The following TARDBP variants were observed in gnomAD, a reference collection of about 807,000 sequenced individuals.
TARDBP encodes the protein TAR DNA-binding protein 43.
Under a neutral mutation model 38.3 loss-of-function variants are expected in TARDBP, and 4 were observed. That is an observed-to-expected ratio of 0.10 (90% CI 0.05 to 0.24). The LOEUF is 0.24. Ranked by LOEUF, TARDBP falls within the 10% of genes least tolerant of loss-of-function variation. The pLI is 1.00. For missense variants in TARDBP, 202 were observed against 521.9 expected (o/e 0.39, Z 5.97); for synonymous variants, 184 against 183.8 (o/e 1.00, Z -0.01).
At chr1:11,020,872 C>G (rs1424972463) in intron 5 of TARDBP, among the ~76,000 whole-genome samples, 1 of 151,986 alleles carries the variant, frequency 6.6e-6, no homozygotes, top group Non-Finnish European at 1.5e-5. Context: ...TGAGATCACA[C>G]CACTGCATTC....
chr1:11,017,086 A>G, intron 3 of TARDBP, 79 bp downstream of exon 3: 1 of 1,477,176 alleles, frequency 6.8e-7, no homozygotes, highest in Non-Finnish European at 9.4e-7. Context: ...ATAAATAGAG[A>G]TGGGGTATCA....
downstream of TARDBP, chr1:11,026,313 G>C (rs1219311756): frequency 6.6e-6 from 1 of 152,182 alleles, no homozygotes; most frequent in African/African-American, 2.4e-5. Flanking sequence ...TTAACAATGT[G>C]AAATAGTACT....
At chr1:11,029,391 T>C (rs1001766989), downstream of TARDBP, among the ~76,000 whole-genome samples, 2 of 150,906 alleles carry the variant, frequency 1.3e-5, no homozygotes, top group Non-Finnish European at 2.9e-5. Context: ...GAGAGCGAGA[T>C]TCCGTCTCAA....
intron 2 of TARDBP, chr1:11,015,725 T>TG (rs1221184118): frequency 6.9e-6 from 1 of 145,970 alleles, no homozygotes; most frequent in Non-Finnish European, 1.5e-5. Flanking sequence ...TGAGGTTATT[T>TG]GGGGGGTTTT....
downstream of TARDBP, among the ~76,000 whole-genome samples, chr1:11,029,409 T>A (rs570110740): frequency 5.0e-4 from 76 of 151,146 alleles, no homozygotes; most frequent in Middle Eastern, 3.4e-3. Flanking sequence ...CAAAAAATAA[T>A]AATAATAATT....
At position 11,020,627 on chromosome 1, in the gene TARDBP, G is replaced by C. The variant is rs766858701; in HGVS notation, c.714+28G>C. 1.7e-5 allele frequency: 28 copies of C among 1,604,202 alleles called. No homozygotes were observed. The East Asian group carries it at 5.4e-4, about 31-fold the overall frequency. On this transcript the variant is annotated intron_variant, in intron 5 of 5. Coordinates refer to ENST00000240185, the MANE Select transcript of TARDBP (RefSeq NM_007375.4). ...ATTTTTCTCCTTAACGATATGTCCC[G>C]GCCGGGCGTGGTGGCTCATGCTTAC...
rs573058752 is a variant in TARDBP, at chr1:11,022,924, T to C, written c.*270T>C. The C allele has an allele frequency of 2.1e-4, 290 of 1,366,380 alleles. No individual in the cohort carries two copies. The African/African-American group carries it at 3.3e-3, about 16-fold the overall frequency. 84.6% of individuals were successfully genotyped at this position (1,366,380 alleles called of 1,614,324 possible). On this transcript the variant is annotated 3_prime_UTR_variant, in exon 6 of 6. Transcript: ENST00000240185. The surrounding 1 kb of genome is among the most constrained non-coding windows in gnomAD (Gnocchi z 4.5). ...TGATTGGTAAACCAACACACTACAATTGATATCAAAAGGTTTCTCCTGTAA... is the reference window on the plus strand; with the variant it reads ...TGATTGGTAAACCAACACACTACAACTGATATCAAAAGGTTTCTCCTGTAA...
chr1:11,013,885 G>T lies in TARDBP; in HGVS notation c.158G>T (p.Gly53Val). The T allele has an allele frequency of 1.2e-6, 2 of 1,614,214 alleles. No homozygotes were observed. The highest frequency in any genetic ancestry group is 1.7e-6 in the Non-Finnish European group (2 of 1,180,034). ...YRNPVSQCMR[G>V]VRLVEGILHA... ...AATCCAGTGTCTCAGTGTATGAGAGGTGTCCGGCTGGTAGAAGGAATTCTG... is the reference window on the plus strand; with the variant it reads ...AATCCAGTGTCTCAGTGTATGAGAGTTGTCCGGCTGGTAGAAGGAATTCTG... The change falls in exon 2 of 6, where the codon GGT becomes GTT. Residue 53 changes from glycine (G) to valine (V), a missense_variant. By Grantham distance (109) the Gly-to-Val change is moderately radical. Coordinates refer to ENST00000240185, the MANE Select transcript of TARDBP (RefSeq NM_007375.4).
chr1:11,022,641 G>C lies in TARDBP; in HGVS notation c.1232G>C (p.Gly411Ala). Residue 411 changes from glycine (G) to alanine (A), a missense_variant, in exon 6 of 6, where the codon GGC becomes GCC. Gly to Ala is a moderately conservative substitution (Grantham distance 60, BLOSUM62 0). Coordinates refer to ENST00000240185, the MANE Select transcript of TARDBP (RefSeq NM_007375.4). The surrounding 1 kb of genome is among the most constrained non-coding windows in gnomAD (Gnocchi z 4.5). The part of the protein sequence containing the change: ...FGSSMDSKSS[G>A]WGM ...TCAAGCATGGATTCTAAGTCTTCTG[G>C]CTGGGGAATGTAGACAGTGGGGTTG... 1.2e-6 allele frequency: 2 copies of C among 1,608,318 alleles called. No individual in the cohort carries two copies. Among genetic ancestry groups the C allele is most frequent in the Non-Finnish European group, 1.7e-6 (2 of 1,177,220 alleles).
chr1:11,013,002 C>T (rs1643440573), intron 1 of TARDBP, among the ~76,000 whole-genome samples: 1 of 152,228 alleles, frequency 6.6e-6, no homozygotes, highest in Non-Finnish European at 1.5e-5. Context: ...CGGACAGTGC[C>T]GGAGCCTTCG....
intron 3 of TARDBP, among the ~76,000 whole-genome samples, chr1:11,017,253 G>T (rs1261036373): frequency 6.7e-6 from 1 of 148,882 alleles, no homozygotes; most frequent in Non-Finnish European, 1.5e-5. Context: ...GCCCAGGCTG[G>T]AGTGCAGTGG....
At chr1:11,029,634 C>CTTTTTTTTTTTTTTTT (rs551910712), downstream of TARDBP, 1 of 80,958 alleles carries the variant, frequency 1.2e-5, no homozygotes, top group Non-Finnish European at 2.2e-5. Context: ...TTTTTAAAAT[C>CTTTTTTTTTTTTTTTT]TTTTTTTTTT....
In TARDBP at chr1:11,024,261, T is replaced by G. The variant is rs1394560650; in HGVS notation, c.*1607T>G. The G allele has an allele frequency of 6.6e-6, 1 of 152,486 alleles. No homozygotes were observed. The highest frequency in any genetic ancestry group is 1.5e-5 in the Non-Finnish European group (1 of 68,022). The allele number at this position is 152,486 out of a possible 1,614,324, so 9.4% of individuals were successfully genotyped here. On this transcript the variant is annotated 3_prime_UTR_variant, in exon 6 of 6. Coordinates refer to ENST00000240185, the MANE Select transcript of TARDBP (RefSeq NM_007375.4). ...GACTTAATTGGTATTTGTTCTTGCA[T>G]TGGCCAAAGTGAAAATTTTTTTTTT...
At position 11,023,434 on chromosome 1, in the gene TARDBP, A is replaced by T; in HGVS notation, c.*780A>T. The T allele has an allele frequency of 1.5e-6, 1 of 667,512 alleles. No homozygotes were observed. The highest frequency in any genetic ancestry group is 2.5e-6 in the Non-Finnish European group (1 of 395,068). 41.3% of individuals were successfully genotyped at this position (667,512 alleles called of 1,614,324 possible). On this transcript the variant is annotated 3_prime_UTR_variant, in exon 6 of 6. Transcript: ENST00000240185. ...ACCAGAAGGCTGTCTGAACTTTTGA[A>T]ACCTTGTGTGGGATTGATGGTGGTG...
At chr1:11,027,631 G>A (rs768647402), downstream of TARDBP, 15 of 1,605,616 alleles carry the variant, frequency 9.3e-6, no homozygotes, top group African/African-American at 1.3e-5. Context: ...CCTGTTGTGC[G>A]GGCTGATAGT....
chr1:11,018,106 TCTC>T (rs1234872961), intron 3 of TARDBP, among the ~76,000 whole-genome samples: 3 of 151,848 alleles, frequency 2.0e-5, no homozygotes, highest in Admixed American at 6.6e-5. Context: ...ATGGTCTCGA[TCTC>T]CTGACCTCAT....
intron 2 of TARDBP, 45 bp downstream of exon 2, chr1:11,014,010 GGTGT>G: frequency 6.3e-7 from 1 of 1,580,774 alleles, no homozygotes; most frequent in Non-Finnish European, 8.7e-7. Flanking sequence ...AGTGTGTTCA[GGTGT>G]GTGTCTCATC....
Position 11,022,580 on chromosome 1 carries a change from G to A in TARDBP, c.1171G>A (p.Ala391Thr). Residue 391 changes from alanine (A) to threonine (T), a missense_variant, in exon 6 of 6, where the codon GCA (alanine) becomes ACA (threonine). By Grantham distance (58) the Ala-to-Thr change is moderately conservative. Transcript: ENST00000240185. The surrounding 1 kb of genome is among the most constrained non-coding windows in gnomAD (Gnocchi z 4.5). ...AATTGGTTGGGGATCAGCATCCAAT[G>A]CAGGGTCGGGCAGTGGTTTTAATGG... ...AAIGWGSASNAGSGSGFNGGF... is the reference protein window; with the variant it reads ...AAIGWGSASNTGSGSGFNGGF... The A allele has an allele frequency of 6.3e-7, 1 of 1,581,612 alleles. No homozygotes were observed. Among genetic ancestry groups the A allele is most frequent in the Non-Finnish European group, 8.6e-7 (1 of 1,162,994 alleles).
intron 5 of TARDBP, 39 bp downstream of exon 5, chr1:11,020,638 G>A (rs780960391): frequency 6.3e-7 from 1 of 1,588,196 alleles, no homozygotes; most frequent in South Asian, 1.1e-5. Context: ...GCCGGGCGTG[G>A]TGGCTCATGC....
Sources: gnomAD v4.1 joint callset for allele counts (sites outside exome capture counted in the v4.1 genomes callset) on GRCh38, gnomAD v4.1.1 for gene constraint, Gnocchi (gnomAD v3.1) non-coding constraint, MANE v1.5 for transcripts, NCBI Gene and HGNC (gene_info 2026-07-23, HGNC 2026-07-21) for gene names.